CASR: variants seen among roughly 807,000 people sequenced by gnomAD.
CASR encodes the protein calcium sensing receptor.
A neutral mutation model predicts 69.1 loss-of-function variants in CASR; 23 were observed. That is an observed-to-expected ratio of 0.33 (90% CI 0.24 to 0.47). CASR has a LOEUF of 0.47. Ranked by LOEUF, CASR falls within the 20% of genes least tolerant of loss-of-function variation. The pLI is 1.00. For missense variants in CASR, 924 were observed against 1,356.1 expected (o/e 0.68, Z 5.00); for synonymous variants, 541 against 544.7 (o/e 0.99, Z 0.10).
chr3:122,195,242 A>C (rs902556873), intron 1 of CASR, among the ~76,000 whole-genome samples: 5 of 152,194 alleles, frequency 3.3e-5, no homozygotes, highest in Non-Finnish European at 5.9e-5. Context: ...GCCTCCCAGC[A>C]AAAGGGTGAG....
intron 1 of CASR, among the ~76,000 whole-genome samples, chr3:122,210,949 C>G (rs1396833566): frequency 6.6e-6 from 1 of 152,152 alleles, no homozygotes; most frequent in African/African-American, 2.4e-5. Context: ...CTATGACCAT[C>G]AGATCTTTGA....
At chr3:122,237,815 C>T (rs1358991065) in intron 1 of CASR, among the ~76,000 whole-genome samples, 1 of 152,174 alleles carries the variant, frequency 6.6e-6, no homozygotes, top group Admixed American at 6.5e-5. Context: ...AGTGATAGAA[C>T]TCTCATAGAG....
At position 122,287,312 on chromosome 3, in the gene CASR, G is replaced by C. The variant is rs542600921; in HGVS notation, c.*2121G>C. On this transcript the variant is annotated 3_prime_UTR_variant, in exon 7 of 7. Transcript: ENST00000639785. The stretch of plus-strand genomic sequence containing the variant: ...TATTTCACCAAGTGCTTGCAAATAA[G>C]GAGTCTCTCCCAATGCTGTTGTCAG... The C allele has an allele frequency of 6.6e-6, 1 of 152,306 alleles. No homozygotes were observed. Among genetic ancestry groups the C allele is most frequent in the East Asian group, 1.9e-4 (1 of 5,182 alleles). 9.4% of individuals were successfully genotyped at this position (152,306 alleles called of 1,614,324 possible).
chr3:122,217,749 C>G (rs1179026548), intron 1 of CASR, among the ~76,000 whole-genome samples: 3 of 152,010 alleles, frequency 2.0e-5, no homozygotes, highest in Admixed American at 6.6e-5. Context: ...AAGTAATAAC[C>G]GTACCATTCT....
At position 122,288,054 on chromosome 3, in the gene CASR, T is replaced by C. The variant is rs1302011425; in HGVS notation, c.*2863T>C. Reference sequence around the variant, plus strand: ...TACATGGCAAGGGTGAATTAAAGTATAGTGGAATTAAGATTGCTAATCAGC... The same window carrying C: ...TACATGGCAAGGGTGAATTAAAGTACAGTGGAATTAAGATTGCTAATCAGC... On this transcript the variant is annotated 3_prime_UTR_variant, in exon 7 of 7. Transcript: ENST00000639785. 6.6e-6 allele frequency: 1 copy of C among 152,264 alleles called. No homozygotes were observed. Among genetic ancestry groups the C allele is most frequent in the East Asian group, 1.9e-4 (1 of 5,196 alleles). 9.4% of individuals were successfully genotyped at this position (152,264 alleles called of 1,614,324 possible). A position where few individuals can be genotyped will look rare whatever the true frequency, so the allele number is the denominator to read the frequency against.
Position 122,261,837 on chromosome 3 carries a change from G to T in CASR, c.802G>T (p.Val268Leu). The change falls in exon 4 of 7, where the codon GTG becomes TTG. Residue 268 changes from valine (V) to leucine (L), a missense_variant. This residue lies in a region of CASR where 310 missense variants were observed against 395.7 expected (regional missense o/e 0.78). Coordinates refer to ENST00000639785, the MANE Select transcript of CASR (RefSeq NM_000388.4). ...TCAAAATTCCACGGCCAAAGTCATC[G>T]TGGTTTTCTCCAGTGGCCCAGATCT... ...VIQNSTAKVI[V>L]VFSSGPDLEP... The T allele has an allele frequency of 1.2e-6, 2 of 1,614,236 alleles. No individual in the cohort carries two copies. Among genetic ancestry groups the T allele is most frequent in the Non-Finnish European group, 1.7e-6 (2 of 1,180,042 alleles).
At chr3:122,276,759 T>C (rs1011451644) in intron 5 of CASR, among the ~76,000 whole-genome samples, 2 of 152,224 alleles carry the variant, frequency 1.3e-5, no homozygotes, top group Admixed American at 1.3e-4. Flanking sequence ...GGAGGATGCT[T>C]GTGTGTCTGA....
At chr3:122,236,606 A>G (rs1428124850) in intron 1 of CASR, among the ~76,000 whole-genome samples, 1 of 152,206 alleles carries the variant, frequency 6.6e-6, no homozygotes, top group Non-Finnish European at 1.5e-5. Flanking sequence ...TAGGAAATCA[A>G]GGAGGCCCTA....
At chr3:122,238,264 C>A (rs2074348146) in intron 1 of CASR, among the ~76,000 whole-genome samples, 1 of 152,132 alleles carries the variant, frequency 6.6e-6, no homozygotes, top group African/African-American at 2.4e-5. Context: ...GAGAGCACAG[C>A]GACTGGGCCA....
chr3:122,200,588 T>C (rs2073938661), intron 1 of CASR, among the ~76,000 whole-genome samples: 1 of 152,222 alleles, frequency 6.6e-6, no homozygotes, highest in Admixed American at 6.5e-5. Flanking sequence ...TTTTTACTGC[T>C]GTTTAGAATT....
Position 122,274,456 on chromosome 3 carries a change from G to A in CASR, c.1378-1356G>A, listed in dbSNP as rs185952363. ...CAGTGCCATCTCTGGAGTGGAGTGG[G>A]ACAGGAGAGGTACTGGCTCAGTCCA... On this transcript the variant is annotated intron_variant, in intron 4 of 6. Transcript: ENST00000639785. Among the ~76,000 whole-genome samples, 8 of 152,334 alleles carry A rather than the reference G, an allele frequency of 5.3e-5. No individual in the cohort carries two copies. In the East Asian group the frequency reaches 1.5e-3, roughly 29 times the overall value.
intron 1 of CASR, among the ~76,000 whole-genome samples, chr3:122,222,744 C>A (rs1442096054): frequency 6.6e-6 from 1 of 152,034 alleles, no homozygotes; most frequent in African/African-American, 2.4e-5. Flanking sequence ...GAACACTACA[C>A]CCAAAAACAA....
At chr3:122,240,041 A>G (rs2074365620) in intron 1 of CASR, among the ~76,000 whole-genome samples, 1 of 152,230 alleles carries the variant, frequency 6.6e-6, no homozygotes, top group Admixed American at 6.5e-5. Flanking sequence ...CAAGAAGGTA[A>G]TAGAACATCA....
chr3:122,282,100 G>A lies in CASR; in HGVS notation c.1609-13G>A, dbSNP rs1274123257. The A allele has an allele frequency of 4.3e-6, 7 of 1,614,230 alleles. No homozygotes were observed. Among genetic ancestry groups the A allele is most frequent in the South Asian group, 3.3e-5 (3 of 91,082 alleles). ...AACTACAGCCACTCACCTTTGTGCT[G>A]TCTGTCCTCCAGGTGCCCTTCTCCA... On this transcript the variant is annotated splice_polypyrimidine_tract_variant and intron_variant, in intron 5 of 6. Coordinates refer to ENST00000639785, the MANE Select transcript of CASR (RefSeq NM_000388.4).
chr3:122,218,764 C>A (rs879686434), intron 1 of CASR, among the ~76,000 whole-genome samples: 9 of 152,088 alleles, frequency 5.9e-5, no homozygotes, highest in Non-Finnish European at 1.0e-4. Context: ...GGGATTGGAA[C>A]TGAAGAGTTG....
Position 122,207,034 on chromosome 3 carries a change from G to T in CASR, c.-243+23222G>T, listed in dbSNP as rs117204045. ...CAAAAAAACAATTTTTCATTTTGTCGACCCATTTTTTTAAGTCTCAATTTC... is the reference window on the plus strand; with the variant it reads ...CAAAAAAACAATTTTTCATTTTGTCTACCCATTTTTTTAAGTCTCAATTTC... On this transcript the variant is annotated intron_variant, in intron 1 of 6. Coordinates refer to ENST00000639785, the MANE Select transcript of CASR (RefSeq NM_000388.4). Among the ~76,000 whole-genome samples the T allele has an allele frequency of 1.6e-3, 242 of 151,350 alleles. 5 individuals are homozygous for T. The highest frequency in any genetic ancestry group is 0.012 in the Admixed American group (187 of 15,184).
chr3:122,194,102 C>T (rs935721291), intron 1 of CASR, among the ~76,000 whole-genome samples: 12 of 152,146 alleles, frequency 7.9e-5, no homozygotes, highest in East Asian at 1.9e-4. Context: ...CCAGTCTACA[C>T]GCCTTCTCAT....
In CASR at chr3:122,214,616, A is replaced by G. The variant is rs566469469; in HGVS notation, c.-243+30804A>G. On this transcript the variant is annotated intron_variant, in intron 1 of 6. Transcript: ENST00000639785. ...ACTCTGATCCAACAGGGAAAGATGTACTACTATTCAGGTAAACTCAATTGT... is the reference window on the plus strand; with the variant it reads ...ACTCTGATCCAACAGGGAAAGATGTGCTACTATTCAGGTAAACTCAATTGT... Among the ~76,000 whole-genome samples the G allele has an allele frequency of 2.6e-5, 4 of 152,354 alleles. No homozygotes were observed. The South Asian group carries it at 8.3e-4, about 32-fold the overall frequency.
At chr3:122,196,284 G>A (rs2073888045) in intron 1 of CASR, among the ~76,000 whole-genome samples, 1 of 151,918 alleles carries the variant, frequency 6.6e-6, no homozygotes, top group African/African-American at 2.4e-5. Context: ...ACATACCATA[G>A]GATTTCAGAT....
Sources: allele counts gnomAD v4.1 joint callset (sites outside exome capture counted in the v4.1 genomes callset), GRCh38; gene constraint gnomAD v4.1.1; regional missense constraint gnomAD v4.1.1; transcripts MANE v1.5; gene names NCBI Gene and HGNC (gene_info 2026-07-23, HGNC 2026-07-21).